Variants in ULK4 observed in about 807,000 individuals in gnomAD.
ULK4 encodes the protein inactive serine/threonine-protein kinase ULK4.
ULK4 carries 133 observed loss-of-function variants against 160.6 expected under a neutral mutation model. That is an observed-to-expected ratio of 0.83 (90% CI 0.72 to 0.96). The LOEUF (loss-of-function observed/expected upper bound fraction) is 0.96. ULK4 is among the 40% of genes least tolerant of loss of function. The pLI, the probability that ULK4 is intolerant of heterozygous loss-of-function variation, is 0.00. For synonymous variants in ULK4, 534 were observed against 539.8 expected (o/e 0.99, Z 0.15); for missense variants, 1,580 against 1,499.5 (o/e 1.05, Z -0.89).
At chr3:41,769,643 C>T (rs1028749794) in intron 21 of ULK4, among the ~76,000 whole-genome samples, 2 of 152,102 alleles carry the variant, frequency 1.3e-5, no homozygotes, top group Non-Finnish European at 2.9e-5. Context: ...CATTTCTTTT[C>T]TAACTTAAAG....
At chr3:41,352,092 G>A (rs2080922291) in intron 35 of ULK4, among the ~76,000 whole-genome samples, 1 of 152,218 alleles carries the variant, frequency 6.6e-6, no homozygotes, top group South Asian at 2.1e-4. Context: ...GAGCAACACT[G>A]CTATAATGTA....
At chr3:41,341,489 T>C (rs1032737194) in intron 35 of ULK4, among the ~76,000 whole-genome samples, 1 of 152,210 alleles carries the variant, frequency 6.6e-6, no homozygotes, top group Non-Finnish European at 1.5e-5. Flanking sequence ...TGGTTGGGTT[T>C]GGACTTTTGT....
At chr3:41,401,818 AGTTTG>A (rs893746494) in intron 34 of ULK4, among the ~76,000 whole-genome samples, 1 of 152,210 alleles carries the variant, frequency 6.6e-6, no homozygotes. Context: ...CACTAAGTCC[AGTTTG>A]GCTTTAATGG....
At chr3:41,618,821 C>T (rs559269697) in intron 30 of ULK4, among the ~76,000 whole-genome samples, 5 of 152,180 alleles carry the variant, frequency 3.3e-5, no homozygotes, top group Non-Finnish European at 7.4e-5. Context: ...TTAAAAAACA[C>T]TGACTGGCAA....
intron 16 of ULK4, among the ~76,000 whole-genome samples, chr3:41,891,941 T>C (rs1697984248): frequency 6.6e-6 from 1 of 152,134 alleles, no homozygotes; most frequent in Admixed American, 6.6e-5. Context: ...TGATAAAATC[T>C]AATCAACCAA....
At chr3:41,467,169 TATTTATCCAAGTAAA>T (rs1335404059) in intron 32 of ULK4, among the ~76,000 whole-genome samples, 4 of 152,186 alleles carry the variant, frequency 2.6e-5, no homozygotes, top group Non-Finnish European at 4.4e-5. Flanking sequence ...TACTCCAAGG[TATTTATCCAAGTAAA>T]ATGAACACAT....
Position 41,390,285 on chromosome 3 carries a change from A to G in ULK4, c.3678+7794T>C, listed in dbSNP as rs138972605. Reference sequence around the variant, plus strand: ...CTTTTCTTCTTTATTAGTCTTGCTAACAGTCAATTTTGTTGATCTTTTCAA... The same window carrying G: ...CTTTTCTTCTTTATTAGTCTTGCTAGCAGTCAATTTTGTTGATCTTTTCAA... On this transcript the variant is annotated intron_variant, in intron 35 of 36. Coordinates refer to ENST00000301831, the MANE Select transcript of ULK4 (RefSeq NM_017886.4). 6.8e-3 allele frequency among the ~76,000 whole-genome samples: 1,020 copies of G among 150,042 alleles called. 4 individuals are homozygous for G. Among genetic ancestry groups the G allele is most frequent in the East Asian group, 0.015 (78 of 5,060 alleles).
At position 41,658,513 on chromosome 3, in the gene ULK4, T is replaced by C. The variant is rs545858012; in HGVS notation, c.3071+5094A>G. Among the ~76,000 whole-genome samples, 14 of 152,346 alleles carry C rather than the reference T, an allele frequency of 9.2e-5. No homozygotes were observed. The South Asian group carries it at 2.7e-3, about 29-fold the overall frequency. ...AATGTCCTATTTCATTAACTGTAGCTTTGTTTTGTAACACCAAAAGATTAG... is the reference window on the plus strand; with the variant it reads ...AATGTCCTATTTCATTAACTGTAGCCTTGTTTTGTAACACCAAAAGATTAG... On this transcript the variant is annotated intron_variant, in intron 30 of 36. Coordinates refer to ENST00000301831, the MANE Select transcript of ULK4 (RefSeq NM_017886.4).
chr3:41,289,877 G>A (rs201191229), intron 35 of ULK4, among the ~76,000 whole-genome samples: 7 of 151,580 alleles, frequency 4.6e-5, no homozygotes, highest in African/African-American at 1.7e-4. Flanking sequence ...GTATGTATGT[G>A]TGTGTGTGTG....
At chr3:41,480,947 C>T (rs554481769) in intron 32 of ULK4, among the ~76,000 whole-genome samples, 1 of 152,278 alleles carries the variant, frequency 6.6e-6, no homozygotes, top group African/African-American at 2.4e-5. Flanking sequence ...CAATTACCTT[C>T]CACCAGGTCC....
intron 34 of ULK4, among the ~76,000 whole-genome samples, chr3:41,422,588 CTT>C (rs11415934): frequency 1.3e-5 from 2 of 151,484 alleles, no homozygotes; most frequent in South Asian, 4.2e-4. Flanking sequence ...CCTGTATTTC[CTT>C]TTTTTTCTTA....
intron 32 of ULK4, among the ~76,000 whole-genome samples, chr3:41,529,640 C>T (rs539404468): frequency 6.6e-6 from 1 of 152,188 alleles, no homozygotes; most frequent in South Asian, 2.1e-4. Flanking sequence ...GTGCAACACC[C>T]TGCCCGGCTT....
intron 34 of ULK4, among the ~76,000 whole-genome samples, chr3:41,409,045 C>G (rs899810575): frequency 6.6e-6 from 1 of 152,072 alleles, no homozygotes; most frequent in African/African-American, 2.4e-5. Flanking sequence ...TGCATGAGCC[C>G]AGGAGTTTGA....
At chr3:41,729,642 G>A (rs1178065912) in intron 22 of ULK4, among the ~76,000 whole-genome samples, 1 of 152,196 alleles carries the variant, frequency 6.6e-6, no homozygotes, top group Non-Finnish European at 1.5e-5. Flanking sequence ...TGGCATGAGA[G>A]ACAGCTTGTT....
At chr3:41,497,022 G>A (rs1046984554) in intron 32 of ULK4, among the ~76,000 whole-genome samples, 1 of 129,284 alleles carries the variant, frequency 7.7e-6, no homozygotes, top group African/African-American at 2.9e-5. Flanking sequence ...AAAGCAGCAG[G>A]GAAATGTAAC....
intron 33 of ULK4, among the ~76,000 whole-genome samples, chr3:41,458,688 C>A (rs951122940): frequency 2.6e-5 from 4 of 152,094 alleles, no homozygotes; most frequent in African/African-American, 9.7e-5. Context: ...CAACAGAGGT[C>A]TGCTAAATAT....
chr3:41,425,565 G>A (rs1655731991), intron 34 of ULK4, among the ~76,000 whole-genome samples: 1 of 152,114 alleles, frequency 6.6e-6, no homozygotes, highest in Non-Finnish European at 1.5e-5. Context: ...ACCTACAAAG[G>A]GAAGCCCATC....
intron 22 of ULK4, among the ~76,000 whole-genome samples, chr3:41,745,897 TATTA>T (rs1384264411): frequency 2.6e-5 from 4 of 151,488 alleles, no homozygotes; most frequent in Admixed American, 1.3e-4. Context: ...CATATTGTTA[TATTA>T]ATTGATAGAG....
intron 34 of ULK4, among the ~76,000 whole-genome samples, chr3:41,424,645 T>G (rs1365860961): frequency 6.6e-6 from 1 of 152,072 alleles, no homozygotes; most frequent in African/African-American, 2.4e-5. Flanking sequence ...AAATAGGGTC[T>G]GGAGTGGACA....
Sources: gnomAD v4.1 joint callset for allele counts (sites outside exome capture counted in the v4.1 genomes callset) on GRCh38, gnomAD v4.1.1 for gene constraint, MANE v1.5 for transcripts, NCBI Gene and HGNC (gene_info 2026-07-23, HGNC 2026-07-21) for gene names.